The following CSNK1D variants were observed in gnomAD, a reference collection of about 807,000 sequenced individuals.
CSNK1D encodes casein kinase I isoform delta.
CSNK1D carries 16 observed loss-of-function variants against 46.6 expected under a neutral mutation model. The ratio of observed to expected loss-of-function variants is 0.34; its 90% CI spans 0.23 to 0.52. The LOEUF is 0.52. CSNK1D is among the 20% of genes least tolerant of loss of function. The probability of loss-of-function intolerance (pLI) is 0.95; values close to 1 mark genes in which losing one functional copy is unlikely to be tolerated. For missense variants in CSNK1D, 398 were observed against 578.4 expected, an observed-to-expected ratio of 0.69 and a Z score of 3.20; for synonymous variants, 276 against 228.2, an observed-to-expected ratio of 1.21 and a Z score of -1.89.
Position 82,248,972 on chromosome 17 carries a change from C to T in CSNK1D, c.1100G>A (p.Arg367Gln). 1 of 1,583,510 alleles carries T rather than the reference C, an allele frequency of 6.3e-7. No homozygotes were observed. Among genetic ancestry groups the T allele is most frequent in the Non-Finnish European group, 8.6e-7 (1 of 1,163,598 alleles). The change falls in exon 8 of 9, where the codon CGG (arginine) becomes CAG (glutamine). Residue 367 changes from arginine to glutamine, a missense_variant. By Grantham distance (43) the Arg-to-Gln change is conservative (BLOSUM62 1). Around this residue, in one of 2 missense-constraint regions of CSNK1D, gnomAD observed 181 missense variants for 208.0 expected, o/e 0.87. Coordinates refer to ENST00000314028, the MANE Select transcript of CSNK1D (RefSeq NM_001893.6). This position sits in a 1 kb window ranked among gnomAD's most constrained non-coding sequence, Gnocchi z 4.1. ...PRPVSGMERE[R>Q]KVSMRLHRGA... is the part of the protein sequence containing the mutation. Reference sequence around the variant, plus strand: ...GCGGTGCAGCCGCATACTCACTTTCCGCTCTCTCTCCATGCCGGAGACGGG... The same window carrying T: ...GCGGTGCAGCCGCATACTCACTTTCTGCTCTCTCTCCATGCCGGAGACGGG...
chr17:82,255,384 T>A lies in CSNK1D; in HGVS notation c.336+45A>T. ...AACAGCACAAGCGAGTGGCTGATTC[T>A]ATCAGACAGCAAGTGTGTGCCAACT... On this transcript the variant is annotated intron_variant, in intron 3 of 8. Transcript: ENST00000314028. This position sits in a 1 kb window ranked among gnomAD's most constrained non-coding sequence, Gnocchi z 5.9. The A allele has an allele frequency of 6.2e-7, 1 of 1,606,750 alleles. No individual in the cohort carries two copies. Among genetic ancestry groups the A allele is most frequent in the Middle Eastern group, 1.7e-4 (1 of 6,050 alleles).
Position 82,259,731 on chromosome 17 carries a change from T to A in CSNK1D, c.188-4154A>T, listed in dbSNP as rs139426793. Among the ~76,000 whole-genome samples, 5 of 152,344 alleles carry A rather than the reference T, an allele frequency of 3.3e-5. No homozygotes were observed. In the East Asian group the frequency reaches 7.7e-4, roughly 23 times the overall value. On this transcript the variant is annotated intron_variant, in intron 2 of 8. Coordinates refer to ENST00000314028, the MANE Select transcript of CSNK1D (RefSeq NM_001893.6). ...AAGCTACTGTATACAGCTATGTAGA[T>A]GATCAAACAATGAAAATCAATTACC... is the stretch of plus-strand genomic sequence containing the variant.
At position 82,251,314 on chromosome 17, in the gene CSNK1D, G is replaced by C; in HGVS notation, c.885+65C>G. 1 of 1,596,362 alleles carries C rather than the reference G, an allele frequency of 6.3e-7. No homozygotes were observed. Among genetic ancestry groups the C allele is most frequent in the Non-Finnish European group, 8.6e-7 (1 of 1,165,086 alleles). On this transcript the variant is annotated intron_variant, in intron 6 of 8. Transcript: ENST00000314028. This position sits in a 1 kb window ranked among gnomAD's most constrained non-coding sequence, Gnocchi z 4.5. ...CAGCCCCTCAACAAGACGGCCGCCGGCCTCTCACTGACAAGCCATCCCCCG... is the reference window on the plus strand; with the variant it reads ...CAGCCCCTCAACAAGACGGCCGCCGCCCTCTCACTGACAAGCCATCCCCCG...
rs943702045 is a variant in CSNK1D, at chr17:82,247,625, C to A, written c.1197+1250G>T. 3 of 985,458 alleles carry A rather than the reference C, an allele frequency of 3.0e-6. No individual in the cohort carries two copies. In the South Asian group the frequency reaches 1.4e-4, roughly 46 times the overall value. 61.0% of individuals were successfully genotyped at this position (985,458 alleles called of 1,614,324 possible). A position where few individuals can be genotyped will look rare whatever the true frequency, so the allele number is the denominator to read the frequency against. On this transcript the variant is annotated intron_variant, in intron 8 of 8. Transcript: ENST00000314028. ...GGGCACGGGCAGACCCTCCCGGGAA[C>A]TGCTCACAGGAACTGATGCGCAAGT...
chr17:82,271,038 A>G (rs2147230574), intron 1 of CSNK1D, among the ~76,000 whole-genome samples: 1 of 152,368 alleles, frequency 6.6e-6, no homozygotes, highest in African/African-American at 2.4e-5. Flanking sequence ...TTGTTTGACA[A>G]GGTCTCAGAT....
At chr17:82,261,796 T>C (rs112211085) in intron 2 of CSNK1D, among the ~76,000 whole-genome samples, 1 of 152,280 alleles carries the variant, frequency 6.6e-6, no homozygotes, top group African/African-American at 2.4e-5. Flanking sequence ...TTTGGTGTTG[T>C]ACAATATTTC....
chr17:82,249,786 G>C lies in CSNK1D; in HGVS notation c.886-184C>G. 6.9e-7 allele frequency: 1 copy of C among 1,455,866 alleles called. No homozygotes were observed. Among genetic ancestry groups the C allele is most frequent in the Non-Finnish European group, 9.0e-7 (1 of 1,106,908 alleles). The allele number at this position is 1,455,866 out of a possible 1,614,324, so 90.2% of individuals were successfully genotyped here. On this transcript the variant is annotated intron_variant, in intron 6 of 8. Transcript: ENST00000314028. The surrounding 1 kb of genome is among the most constrained non-coding windows in gnomAD (Gnocchi z 6.7). ...GATGACAGCATCATCCCCACAAGGG[G>C]TCAGAGCCAGGCCTCTCAGCTCCCC... is the stretch of plus-strand genomic sequence containing the variant.
At chr17:82,245,176 G>A (rs1366053374) in intron 8 of CSNK1D, 1 of 492,696 alleles carries the variant, frequency 2.0e-6, no homozygotes, top group African/African-American at 1.9e-5. Context: ...TCTCAGGGAA[G>A]ACATGAAAAG....
Position 82,244,508 on chromosome 17 carries a change from T to C in CSNK1D, c.*273A>G. 4.9e-6 allele frequency: 7 copies of C among 1,420,568 alleles called. No individual in the cohort carries two copies. The highest frequency in any genetic ancestry group is 6.4e-6 in the Non-Finnish European group (7 of 1,085,392). The allele number at this position is 1,420,568 out of a possible 1,614,324, so 88.0% of individuals were successfully genotyped here. On this transcript the variant is annotated 3_prime_UTR_variant, in exon 9 of 9. Transcript: ENST00000314028. ...GGGAGCTGAGGCCCTGGAAAAGGAG[T>C]CTGATTCTCTGCAATTCTCTCTCTG...
rs946395872 is a variant in CSNK1D at position 82,244,889 on chromosome 17, A to G, written c.1198-58T>C. On this transcript the variant is annotated intron_variant, in intron 8 of 8. Transcript: ENST00000314028. ...ATGGGGCTGGGGGAGCCGGCCAGGC[A>G]GATACCACAGTGACGGTGCTGGGCA... is the stretch of plus-strand genomic sequence containing the variant. 2.3e-5 allele frequency: 37 copies of G among 1,610,462 alleles called. No individual in the cohort carries two copies. In the Admixed American group the frequency reaches 2.8e-4, roughly 12 times the overall value.
At chr17:82,260,747 T>G (rs551550879) in intron 2 of CSNK1D, among the ~76,000 whole-genome samples, 1 of 149,806 alleles carries the variant, frequency 6.7e-6, no homozygotes, top group East Asian at 1.9e-4. Context: ...CCGACTGATG[T>G]GACTGATGGT....
chr17:82,251,413 T>C lies in CSNK1D; in HGVS notation c.851A>G (p.Tyr284Cys). The change falls in exon 6 of 9, where the codon TAT becomes TGT. Residue 284 changes from tyrosine to cysteine, a missense_variant. Around this residue, in one of 2 missense-constraint regions of CSNK1D, gnomAD observed 181 missense variants for 208.0 expected, o/e 0.87. Coordinates refer to ENST00000314028, the MANE Select transcript of CSNK1D (RefSeq NM_001893.6). This position sits in a 1 kb window ranked among gnomAD's most constrained non-coding sequence, Gnocchi z 4.5. ...CATGTTCCAGTCGAACACGTAGTCA[T>C]AGGAGAAGCCCTGGCGATGGAACAG... is the stretch of plus-strand genomic sequence containing the variant. ...RNLFHRQGFS[Y>C]DYVFDWNMLK... 6.2e-7 allele frequency: 1 copy of C among 1,614,098 alleles called. No homozygotes were observed. The highest frequency in any genetic ancestry group is 8.5e-7 in the Non-Finnish European group (1 of 1,180,020).
chr17:82,245,063 G>A (rs986306021), intron 8 of CSNK1D: 9 of 625,438 alleles, frequency 1.4e-5, no homozygotes, highest in South Asian at 7.5e-5. Flanking sequence ...CAAGGTGCCC[G>A]CGGAGCCGGG....
intron 8 of CSNK1D, among the ~76,000 whole-genome samples, chr17:82,245,744 G>A (rs1467013756): frequency 6.6e-6 from 1 of 152,246 alleles, no homozygotes; most frequent in Non-Finnish European, 1.5e-5. Flanking sequence ...CAACAGGATG[G>A]TCTCCTGGGG....
Position 82,248,543 on chromosome 17 carries a change from A to T in CSNK1D, c.1197+332T>A, listed in dbSNP as rs1028114127. On this transcript the variant is annotated intron_variant, in intron 8 of 8. Transcript: ENST00000314028. The surrounding 1 kb of genome is among the most constrained non-coding windows in gnomAD (Gnocchi z 4.1). ...GGGGCACCCACAATGGGGCGCAAGC[A>T]GGCGAGCGGTGTCAGCTGCCTGGGG... is the stretch of plus-strand genomic sequence containing the variant. 1 of 1,168,930 alleles carries T rather than the reference A, an allele frequency of 8.6e-7. No homozygotes were observed. Among genetic ancestry groups the T allele is most frequent in the African/African-American group, 1.6e-5 (1 of 62,720 alleles). 72.4% of individuals were successfully genotyped at this position (1,168,930 alleles called of 1,614,324 possible). A position where few individuals can be genotyped will look rare whatever the true frequency, so the allele number is the denominator to read the frequency against.
Position 82,249,451 on chromosome 17 carries a change from AG to A in CSNK1D, c.1036del (p.Leu346SerfsTer24). On this transcript the variant is annotated frameshift_variant, in exon 7 of 9. Transcript: ENST00000314028. LOFTEE classifies it high-confidence loss of function. The surrounding 1 kb of genome is among the most constrained non-coding windows in gnomAD (Gnocchi z 6.7). ...GTQEVAPPTP[L>X]TPTSHTANTS... ...CTCACCCGTGTGTGAGGTAGGGGTG[AG>A]GGGTGTGGGGGGAGCCACTTCCTGC... 1 of 1,538,870 alleles carries A rather than the reference AG, an allele frequency of 6.5e-7. No homozygotes were observed.
chr17:82,260,389 CTGACTGATGGTGTACTGAGTGATG>C lies in CSNK1D; in HGVS notation c.188-4836_188-4813del, dbSNP rs1156619760. Among the ~76,000 whole-genome samples, 581 of 130,364 alleles carry C rather than the reference CTGACTGATGGTGTACTGAGTGATG, an allele frequency of 4.5e-3. 5 individuals carry two copies. The highest frequency in any genetic ancestry group is 5.4e-3 in the African/African-American group (183 of 33,648). 85.5% of individuals were successfully genotyped at this position (130,364 alleles called of 152,430 possible). A position where few individuals can be genotyped will look rare whatever the true frequency, so the allele number is the denominator to read the frequency against. Reference sequence around the variant, plus strand: ...ACGGACTGATGTGACTGATGGTGTACTGACTGATGGTGTACTGAGTGATGTGACTGATGGTGTACTGAGTGATGT... The same window carrying C: ...ACGGACTGATGTGACTGATGGTGTACTGACTGATGGTGTACTGAGTGATGT... On this transcript the variant is annotated intron_variant, in intron 2 of 8. Transcript: ENST00000314028.
In CSNK1D at chr17:82,248,544, G is replaced by A; in HGVS notation, c.1197+331C>T. 1.7e-6 allele frequency: 2 copies of A among 1,183,670 alleles called. No individual in the cohort carries two copies. The highest frequency in any genetic ancestry group is 2.1e-6 in the Non-Finnish European group (2 of 946,734). The allele number at this position is 1,183,670 out of a possible 1,614,324, so 73.3% of individuals were successfully genotyped here. On this transcript the variant is annotated intron_variant, in intron 8 of 8. Coordinates refer to ENST00000314028, the MANE Select transcript of CSNK1D (RefSeq NM_001893.6). The surrounding 1 kb of genome is among the most constrained non-coding windows in gnomAD (Gnocchi z 4.1). ...GGGCACCCACAATGGGGCGCAAGCA[G>A]GCGAGCGGTGTCAGCTGCCTGGGGA...
chr17:82,255,402 T>G lies in CSNK1D; in HGVS notation c.336+27A>C, dbSNP rs770819449. On this transcript the variant is annotated intron_variant, in intron 3 of 8. Transcript: ENST00000314028. This position sits in a 1 kb window ranked among gnomAD's most constrained non-coding sequence, Gnocchi z 5.9. ...CTGATTCTATCAGACAGCAAGTGTG[T>G]GCCAACTGTCAGGAAACAGTCCTTA... The G allele has an allele frequency of 6.2e-7, 1 of 1,613,768 alleles. No individual in the cohort carries two copies. The highest frequency in any genetic ancestry group is 8.5e-7 in the Non-Finnish European group (1 of 1,179,734).
Sources: allele counts gnomAD v4.1 joint callset (sites outside exome capture counted in the v4.1 genomes callset), GRCh38; gene constraint gnomAD v4.1.1; regional missense constraint gnomAD v4.1.1; non-coding constraint Gnocchi (gnomAD v3.1); transcripts MANE v1.5; gene names NCBI Gene and HGNC (gene_info 2026-07-23, HGNC 2026-07-21).